The following KCNQ3 variants were observed in gnomAD, a reference collection of about 807,000 sequenced individuals.
The protein encoded by KCNQ3 is potassium voltage-gated channel subfamily Q member 3.
A neutral mutation model predicts 92.5 loss-of-function variants in KCNQ3; 30 were observed. That is an observed-to-expected ratio of 0.32 (90% confidence interval 0.24 to 0.44). The LOEUF is 0.44. Among genes scored for constraint, KCNQ3 ranks in the 20% least tolerant of loss-of-function variants. The pLI, the probability that KCNQ3 is intolerant of heterozygous loss-of-function variation, is 1.00. For missense variants in KCNQ3, 913 were observed against 1,140.3 expected (o/e 0.80, Z 2.87); for synonymous variants, 450 against 468.8 (o/e 0.96, Z 0.52).
intron 1 of KCNQ3, among the ~76,000 whole-genome samples, chr8:132,434,202 C>T (rs1424086312): frequency 8.9e-5 from 10 of 112,726 alleles, no homozygotes; most frequent in African/African-American, 2.1e-4. Flanking sequence ...AGCGAGACTC[C>T]GTCTCAAAAA....
chr8:132,308,675 T>C (rs1817506665), intron 1 of KCNQ3, among the ~76,000 whole-genome samples: 1 of 152,200 alleles, frequency 6.6e-6, no homozygotes, highest in Non-Finnish European at 1.5e-5. Flanking sequence ...GTAAGACTTG[T>C]CAAGCGCTGA....
chr8:132,207,186 C>T (rs1328734213), intron 1 of KCNQ3, among the ~76,000 whole-genome samples: 1 of 152,152 alleles, frequency 6.6e-6, no homozygotes, highest in Non-Finnish European at 1.5e-5. Flanking sequence ...AATTTCTGGG[C>T]TTTGAACATC....
chr8:132,140,065 G>A lies in KCNQ3; in HGVS notation c.1568+11C>T, dbSNP rs1430430063. ...GGCACACAGGCACAGGTGGGACCGT[G>A]GGGGCATTACCTGACGGCTCGGATG... On this transcript the variant is annotated intron_variant, in intron 11 of 14. Transcript: ENST00000388996. 3 of 1,572,098 alleles carry A rather than the reference G, an allele frequency of 1.9e-6. No individual in the cohort carries two copies. The highest frequency in any genetic ancestry group is 1.3e-5 in the African/African-American group (1 of 74,148).
At chr8:132,143,160 C>T (rs1825351660) in intron 9 of KCNQ3, among the ~76,000 whole-genome samples, 1 of 152,112 alleles carries the variant, frequency 6.6e-6, no homozygotes, top group Non-Finnish European at 1.5e-5. Flanking sequence ...TGAGGAACTC[C>T]ATTAATAACC....
At chr8:132,360,239 G>T (rs549945974) in intron 1 of KCNQ3, among the ~76,000 whole-genome samples, 32 of 152,142 alleles carry the variant, frequency 2.1e-4, no homozygotes, top group Non-Finnish European at 4.4e-4. Flanking sequence ...CACTGGGCTG[G>T]CTTCCCAGCT....
At chr8:132,418,728 G>A (rs1820886686) in intron 1 of KCNQ3, among the ~76,000 whole-genome samples, 1 of 152,196 alleles carries the variant, frequency 6.6e-6, no homozygotes, top group Non-Finnish European at 1.5e-5. Context: ...AGAGGGTGCA[G>A]TGAGCCGAGA....
At chr8:132,359,189 C>G (rs927479565) in intron 1 of KCNQ3, among the ~76,000 whole-genome samples, 1 of 152,140 alleles carries the variant, frequency 6.6e-6, no homozygotes, top group Non-Finnish European at 1.5e-5. Flanking sequence ...TAGTGGGGTA[C>G]CCAACCAAAT....
At chr8:132,150,836 G>T (rs1197247312) in intron 9 of KCNQ3, among the ~76,000 whole-genome samples, 6 of 151,944 alleles carry the variant, frequency 3.9e-5, no homozygotes, top group Non-Finnish European at 8.8e-5. Flanking sequence ...TATATGTGTT[G>T]TGTGTGTGTG....
intron 1 of KCNQ3, among the ~76,000 whole-genome samples, chr8:132,294,430 A>T (rs1816956412): frequency 6.6e-6 from 1 of 152,176 alleles, no homozygotes; most frequent in East Asian, 1.9e-4. Flanking sequence ...TAAGGAGAAA[A>T]GGAGAATCAA....
At chr8:132,136,954 C>T (rs1825119655) in intron 12 of KCNQ3, among the ~76,000 whole-genome samples, 1 of 151,542 alleles carries the variant, frequency 6.6e-6, no homozygotes, top group Non-Finnish European at 1.5e-5. Flanking sequence ...ACCTCCGCCC[C>T]CCCAGGTTCA....
At chr8:132,344,863 C>T (rs187087889) in intron 1 of KCNQ3, among the ~76,000 whole-genome samples, 24 of 152,158 alleles carry the variant, frequency 1.6e-4, no homozygotes, top group Middle Eastern at 3.4e-3. Flanking sequence ...GGGCAACTTA[C>T]GAGCAGCAGT....
intron 9 of KCNQ3, among the ~76,000 whole-genome samples, chr8:132,155,724 CT>C (rs1586780227): frequency 6.6e-6 from 1 of 152,230 alleles, no homozygotes; most frequent in East Asian, 1.9e-4. Flanking sequence ...CACAAAGGAC[CT>C]GAAGCGGCTT....
chr8:132,129,683 G>A lies in KCNQ3; in HGVS notation c.2198C>T (p.Thr733Ile). 6.2e-7 allele frequency: 1 copy of A among 1,614,176 alleles called. No individual in the cohort carries two copies. Among genetic ancestry groups the A allele is most frequent in the Non-Finnish European group, 8.5e-7 (1 of 1,180,034 alleles). ...GGPSSGKVQATPPSSATTYVE... is the reference protein window; with the variant it reads ...GGPSSGKVQAIPPSSATTYVE... ...ATACGTTGTTGCTGAGGAAGGAGGA[G>A]TTGCCTGAACCTTTCCAGAACTGGG... The change falls in exon 15 of 15, where the codon ACT becomes ATT. Residue 733 changes from threonine (T) to isoleucine (I), a missense_variant. Coordinates refer to ENST00000388996, the MANE Select transcript of KCNQ3 (RefSeq NM_004519.4). The surrounding 1 kb of genome is among the most constrained non-coding windows in gnomAD (Gnocchi z 5.9).
Position 132,232,366 on chromosome 8 carries a change from G to C in KCNQ3, c.387-46185C>G, listed in dbSNP as rs146502154. 2.1e-3 allele frequency among the ~76,000 whole-genome samples: 319 copies of C among 152,220 alleles called. 3 individuals carry two copies. The highest frequency in any genetic ancestry group is 0.015 in the East Asian group (78 of 5,176). The stretch of plus-strand genomic sequence containing the variant: ...TAGGTTGTTGGACCATTCCTTGAGT[G>C]GTGAGGATTTACACACAGGACTCAA... On this transcript the variant is annotated intron_variant, in intron 1 of 14. Coordinates refer to ENST00000388996, the MANE Select transcript of KCNQ3 (RefSeq NM_004519.4).
At chr8:132,427,628 A>G (rs1013947903) in intron 1 of KCNQ3, among the ~76,000 whole-genome samples, 7 of 152,240 alleles carry the variant, frequency 4.6e-5, no homozygotes, top group African/African-American at 7.2e-5. Flanking sequence ...TTGTTCCAGC[A>G]AGGCCTGGGA....
At chr8:132,201,322 C>T (rs1222890998) in intron 1 of KCNQ3, among the ~76,000 whole-genome samples, 1 of 152,142 alleles carries the variant, frequency 6.6e-6, no homozygotes, top group Admixed American at 6.5e-5. Flanking sequence ...TTCATTCTAT[C>T]CCAATAGCCC....
Position 132,326,297 on chromosome 8 carries a change from G to A in KCNQ3, c.387-140116C>T, listed in dbSNP as rs567831894. ...AGGATTCCTGTGCCTGGAAGTCATC[G>A]GGCAGGGTTCCAAGGCCACCAATAG... On this transcript the variant is annotated intron_variant, in intron 1 of 14. Coordinates refer to ENST00000388996, the MANE Select transcript of KCNQ3 (RefSeq NM_004519.4). Among the ~76,000 whole-genome samples, 13 of 152,224 alleles carry A rather than the reference G, an allele frequency of 8.5e-5. No homozygotes were observed. In the East Asian group the frequency reaches 1.2e-3, roughly 14 times the overall value.
At chr8:132,199,649 C>T (rs1049515607) in intron 1 of KCNQ3, among the ~76,000 whole-genome samples, 1 of 152,164 alleles carries the variant, frequency 6.6e-6, no homozygotes, top group African/African-American at 2.4e-5. Flanking sequence ...GTGGCTCACG[C>T]CTGTAATCCC....
At chr8:132,155,358 A>C (rs1248981314) in intron 9 of KCNQ3, among the ~76,000 whole-genome samples, 1 of 152,244 alleles carries the variant, frequency 6.6e-6, no homozygotes, top group Non-Finnish European at 1.5e-5. Context: ...CCAGGATTCA[A>C]ATCTAGGTTG....
Sources: allele counts gnomAD v4.1 joint callset (sites outside exome capture counted in the v4.1 genomes callset), GRCh38; gene constraint gnomAD v4.1.1; non-coding constraint Gnocchi (gnomAD v3.1); transcripts MANE v1.5; gene names NCBI Gene and HGNC (gene_info 2026-07-23, HGNC 2026-07-21).